Variants in CSMD1 observed in about 807,000 individuals in gnomAD.
CSMD1 encodes CUB and sushi domain-containing protein 1.
A neutral mutation model predicts 417.5 loss-of-function variants in CSMD1; 213 were observed. That is an observed-to-expected ratio of 0.51 (90% confidence interval 0.46 to 0.57). The LOEUF (loss-of-function observed/expected upper bound fraction) is 0.57, where lower values mean the gene tolerates loss of function less well. Ranked by LOEUF, CSMD1 falls within the 20% of genes least tolerant of loss-of-function variation. The pLI is 0.00. For missense variants in CSMD1, 6,923 were observed against 4,529.7 expected (o/e 1.53, Z -15.17); for synonymous variants, 2,862 against 1,736.8 (o/e 1.65, Z -16.11).
At chr8:4,719,662 T>G (rs1808923496) in intron 1 of CSMD1, among the ~76,000 whole-genome samples, 1 of 152,210 alleles carries the variant, frequency 6.6e-6, no homozygotes, top group African/African-American at 2.4e-5. Flanking sequence ...AATTTCCATT[T>G]ATTTGTACTT....
intron 1 of CSMD1, among the ~76,000 whole-genome samples, chr8:4,863,192 C>A (rs781319505): frequency 1.4e-4 from 22 of 151,996 alleles, no homozygotes; most frequent in Non-Finnish European, 1.2e-4. Flanking sequence ...TTTCTCTTCA[C>A]CTCAGTTTTT....
At chr8:3,188,768 G>A (rs1175246571) in intron 35 of CSMD1, 119 bp downstream of exon 35, 3 of 866,226 alleles carry the variant, frequency 3.5e-6, no homozygotes, top group African/African-American at 1.7e-5. Context: ...AGTATAAAAG[G>A]AAAAAAGAGA....
rs556599696 is a variant in CSMD1 at position 3,301,591 on chromosome 8, C to A, written c.3950+6104G>T. On this transcript the variant is annotated intron_variant, in intron 25 of 69. Transcript: ENST00000635120. The stretch of plus-strand genomic sequence containing the variant: ...TGAGTCAATGAGGAGAAACTCAAGA[C>A]AGTGTGTGTAAAGAGAGCACCACAG... 3.9e-5 allele frequency among the ~76,000 whole-genome samples: 6 copies of A among 152,226 alleles called. No individual in the cohort carries two copies. In the East Asian group the frequency reaches 9.7e-4, roughly 25 times the overall value.
chr8:3,996,708 A>G lies in CSMD1; in HGVS notation c.818+1195T>C, dbSNP rs369987385. Among the ~76,000 whole-genome samples, 361 of 152,302 alleles carry G rather than the reference A, an allele frequency of 2.4e-3. 1 individual carries two copies. Among genetic ancestry groups the G allele is most frequent in the African/African-American group, 8.3e-3 (345 of 41,562 alleles). ...TGTTGTTCAGCATGAAAAAAATTGA[A>G]AACAAAGACAATCTAGGTAGAATTT... On this transcript the variant is annotated intron_variant, in intron 5 of 69. Coordinates refer to ENST00000635120, the MANE Select transcript of CSMD1 (RefSeq NM_033225.6).
chr8:4,380,024 G>A (rs1803001026), intron 3 of CSMD1, among the ~76,000 whole-genome samples: 1 of 152,204 alleles, frequency 6.6e-6, no homozygotes, highest in African/African-American at 2.4e-5. Context: ...CTCAATGTGG[G>A]TAGCCCAAGG....
At chr8:3,029,691 A>G (rs79924874) in intron 50 of CSMD1, among the ~76,000 whole-genome samples, 178 bp from the exon 51 acceptor site, 3,339 of 150,310 alleles carry the variant, frequency 0.022, 132 homozygotes, top group African/African-American at 0.078. Flanking sequence ...GAATGATCCC[A>G]TATGTAAAAT....
intron 5 of CSMD1, among the ~76,000 whole-genome samples, chr8:3,881,656 A>G (rs2688290): frequency 6.6e-6 from 1 of 151,224 alleles, no homozygotes; most frequent in Non-Finnish European, 1.5e-5. Context: ...ACAAAAACCA[A>G]CAACAACAAA....
intron 10 of CSMD1, among the ~76,000 whole-genome samples, chr8:3,522,043 G>A (rs1053271415): frequency 6.6e-6 from 1 of 152,158 alleles, no homozygotes; most frequent in Non-Finnish European, 1.5e-5. Flanking sequence ...AGTATTGCCT[G>A]TGTGAATAAT....
chr8:4,394,502 G>A (rs981819749), intron 3 of CSMD1, among the ~76,000 whole-genome samples: 1 of 152,136 alleles, frequency 6.6e-6, no homozygotes, highest in African/African-American at 2.4e-5. Flanking sequence ...CTCTGGGTGT[G>A]AATGAGTGAG....
chr8:3,755,335 G>C (rs909415717), intron 5 of CSMD1, among the ~76,000 whole-genome samples: 4 of 152,214 alleles, frequency 2.6e-5, no homozygotes, highest in Non-Finnish European at 4.4e-5. Context: ...AGGGTCGAAA[G>C]ATGATAGAGA....
chr8:3,728,908 C>T (rs1291807875), intron 6 of CSMD1, among the ~76,000 whole-genome samples: 1 of 152,168 alleles, frequency 6.6e-6, no homozygotes, highest in African/African-American at 2.4e-5. Flanking sequence ...CAATCTATCA[C>T]CGACTGCATT....
At chr8:4,527,124 G>C (rs182835083) in intron 2 of CSMD1, among the ~76,000 whole-genome samples, 1 of 151,986 alleles carries the variant, frequency 6.6e-6, no homozygotes, top group African/African-American at 2.4e-5. Flanking sequence ...TTTTACTTAA[G>C]ATATTTTTCA....
chr8:4,264,288 T>A (rs1230788754), intron 3 of CSMD1, among the ~76,000 whole-genome samples: 1 of 152,186 alleles, frequency 6.6e-6, no homozygotes, highest in African/African-American at 2.4e-5. Flanking sequence ...TAACACATTA[T>A]TGTACGTAGA....
At chr8:4,694,085 G>C (rs1421534087) in intron 1 of CSMD1, among the ~76,000 whole-genome samples, 4 of 152,130 alleles carry the variant, frequency 2.6e-5, no homozygotes, top group Non-Finnish European at 4.4e-5. Flanking sequence ...TCCAAAAAAA[G>C]ACAGCTTCTA....
chr8:4,885,131 A>G (rs1414093880), intron 1 of CSMD1, among the ~76,000 whole-genome samples: 1 of 152,182 alleles, frequency 6.6e-6, no homozygotes, highest in African/African-American at 2.4e-5. Flanking sequence ...TTATTTGCAG[A>G]GTCTCATTTC....
chr8:4,241,918 A>G (rs1429346759), intron 3 of CSMD1, among the ~76,000 whole-genome samples: 2 of 152,164 alleles, frequency 1.3e-5, no homozygotes, highest in Admixed American at 6.5e-5. Context: ...TCGTGAAGCT[A>G]TTTTATACTG....
chr8:4,525,103 T>C (rs1585201880), intron 2 of CSMD1, among the ~76,000 whole-genome samples: 1 of 152,164 alleles, frequency 6.6e-6, no homozygotes, highest in Admixed American at 6.5e-5. Context: ...TGAAAGATGA[T>C]CCAGATCATA....
At chr8:4,141,124 T>A (rs908265471) in intron 3 of CSMD1, among the ~76,000 whole-genome samples, 4 of 151,160 alleles carry the variant, frequency 2.6e-5, no homozygotes, top group African/African-American at 9.9e-5. Context: ...CTTACCTATG[T>A]TTCCTCCAAG....
chr8:3,748,678 G>A (rs893388227), intron 6 of CSMD1, among the ~76,000 whole-genome samples: 25 of 152,224 alleles, frequency 1.6e-4, no homozygotes, highest in African/African-American at 5.3e-4. Flanking sequence ...GGAGAATGGG[G>A]AATGCATACG....
Sources: allele counts gnomAD v4.1 joint callset (sites outside exome capture counted in the v4.1 genomes callset), GRCh38; gene constraint gnomAD v4.1.1; transcripts MANE v1.5; gene names NCBI Gene and HGNC (gene_info 2026-07-23, HGNC 2026-07-21).